REV1: variants seen among roughly 807,000 people sequenced by gnomAD.
REV1 encodes the protein translesion synthesis protein REV1.
REV1 carries 42 observed loss-of-function variants against 137.4 expected under a neutral mutation model. That is an observed-to-expected ratio of 0.31 (90% CI 0.24 to 0.40). REV1 has a LOEUF of 0.40. REV1 is among the 10% of genes least tolerant of loss of function. REV1 has a pLI of 1.00. For missense variants in REV1, 1,282 were observed against 1,490.1 expected, an observed-to-expected ratio of 0.86 and a Z score of 2.30; for synonymous variants, 524 against 519.2, an observed-to-expected ratio of 1.01 and a Z score of -0.12.
At chr2:99,406,295 TAAAAA>T (rs1246336414) in intron 16 of REV1, 25 bp downstream of exon 16, 1 of 1,579,184 alleles carries the variant, frequency 6.3e-7, no homozygotes, top group Non-Finnish European at 8.6e-7. Flanking sequence ...AAGCAGCACC[TAAAAA>T]AGAACCACAT....
chr2:99,459,030 A>C (rs187339636), intron 3 of REV1, among the ~76,000 whole-genome samples: 2 of 152,204 alleles, frequency 1.3e-5, no homozygotes, highest in Non-Finnish European at 2.9e-5. Flanking sequence ...AACACGGTGA[A>C]ACCCCGTCTC....
rs1461977282 is a variant in REV1, at chr2:99,449,541, T to C, written c.182-37A>G. 4 of 1,162,190 alleles carry C rather than the reference T, an allele frequency of 3.4e-6. No individual in the cohort carries two copies. In the South Asian group the frequency reaches 9.7e-5, roughly 28 times the overall value. The allele number at this position is 1,162,190 out of a possible 1,614,324, so 72.0% of individuals were successfully genotyped here. On this transcript the variant is annotated intron_variant, in intron 3 of 22. Coordinates refer to ENST00000258428, the MANE Select transcript of REV1 (RefSeq NM_016316.4). ...ATATTAAAATATATTAAGAGTCTTATGTGTAAGAAGTAGAACCCTAATGAA... is the reference window on the plus strand; with the variant it reads ...ATATTAAAATATATTAAGAGTCTTACGTGTAAGAAGTAGAACCCTAATGAA...
chr2:99,478,540 A>G (rs1417036197), intron 1 of REV1, among the ~76,000 whole-genome samples: 1 of 152,200 alleles, frequency 6.6e-6, no homozygotes, highest in Admixed American at 6.5e-5. Flanking sequence ...AAGTGGTATA[A>G]TCTCACAGGA....
At chr2:99,442,165 T>C (rs1439966398) in intron 5 of REV1, 152 bp downstream of exon 5, 8 of 615,820 alleles carry the variant, frequency 1.3e-5, no homozygotes, top group African/African-American at 2.0e-5. Context: ...GGCAGGAGAA[T>C]CACTTGAACC....
At chr2:99,481,706 C>CAA (rs1370452034) in intron 1 of REV1, among the ~76,000 whole-genome samples, 3 of 151,804 alleles carry the variant, frequency 2.0e-5, no homozygotes, top group African/African-American at 7.3e-5. Flanking sequence ...CACACACACA[C>CAA]ACAAAAATTT....
chr2:99,402,389 A>C (rs776661188), intron 21 of REV1, 43 bp from the exon 22 acceptor site: 1 of 1,008,264 alleles, frequency 9.9e-7, no homozygotes, highest in South Asian at 1.4e-5. Context: ...AGTCTTTTTG[A>C]AGGAGAAAGT....
At chr2:99,423,079 T>TA (rs1678894797) in intron 10 of REV1, among the ~76,000 whole-genome samples, 1 of 152,220 alleles carries the variant, frequency 6.6e-6, no homozygotes, top group Non-Finnish European at 1.5e-5. Flanking sequence ...ATAGCTATAA[T>TA]AAGTGTCTTA....
intron 4 of REV1, among the ~76,000 whole-genome samples, chr2:99,445,982 T>A (rs928436257): frequency 6.6e-5 from 10 of 152,334 alleles, no homozygotes; most frequent in African/African-American, 1.7e-4. Context: ...CATGTTAAAA[T>A]TTTTAAGTAT....
chr2:99,406,994 G>C (rs542120995), intron 15 of REV1: 7 of 149,078 alleles, frequency 4.7e-5, no homozygotes, highest in Non-Finnish European at 7.4e-5. Flanking sequence ...GGCTGGCTTA[G>C]TGACTAATCT....
At chr2:99,410,123 G>A (rs1377022086) in intron 14 of REV1, among the ~76,000 whole-genome samples, 1 of 151,910 alleles carries the variant, frequency 6.6e-6, no homozygotes, top group East Asian at 2.0e-4. Flanking sequence ...CAATCCTCCT[G>A]CCCCAGCCTC....
chr2:99,425,950 C>T (rs1347140433), intron 9 of REV1, among the ~76,000 whole-genome samples: 4 of 152,178 alleles, frequency 2.6e-5, no homozygotes, highest in South Asian at 2.1e-4. Flanking sequence ...GCAGGATAAT[C>T]GCTTGAACCT....
intron 1 of REV1, among the ~76,000 whole-genome samples, chr2:99,482,710 A>G (rs1023548937): frequency 5.3e-5 from 8 of 152,212 alleles, no homozygotes; most frequent in Non-Finnish European, 1.2e-4. Flanking sequence ...ACATACACTA[A>G]AATTGGAATG....
At chr2:99,481,517 G>A (rs923147004) in intron 1 of REV1, among the ~76,000 whole-genome samples, 4 of 152,174 alleles carry the variant, frequency 2.6e-5, no homozygotes, top group Non-Finnish European at 5.9e-5. Flanking sequence ...AGTTTTAGCT[G>A]TCATAAATTG....
rs1675258681 is a variant in REV1 at position 99,400,687 on chromosome 2, A to AAAAT, written c.*550_*553dup. The AAAAT allele has an allele frequency of 6.6e-6, 1 of 152,196 alleles. No individual in the cohort carries two copies. Among genetic ancestry groups the AAAAT allele is most frequent in the Non-Finnish European group, 1.5e-5 (1 of 68,048 alleles). 9.4% of individuals were successfully genotyped at this position (152,196 alleles called of 1,614,324 possible). On this transcript the variant is annotated 3_prime_UTR_variant, in exon 23 of 23. Coordinates refer to ENST00000258428, the MANE Select transcript of REV1 (RefSeq NM_016316.4). ...GTGGGTGTGAGGGTGTTTCTAATTC[A>AAAAT]AAATATGTAGATTTCTCCGCATGGA... is the stretch of plus-strand genomic sequence containing the variant.
chr2:99,475,274 G>C (rs1347979249), intron 1 of REV1, among the ~76,000 whole-genome samples: 1 of 152,138 alleles, frequency 6.6e-6, no homozygotes, highest in African/African-American at 2.4e-5. Context: ...CGATTGGCTA[G>C]CAACTTAGAA....
At position 99,400,672 on chromosome 2, in the gene REV1, G is replaced by A. The variant is rs1675256939; in HGVS notation, c.*569C>T. The A allele has an allele frequency of 6.6e-6, 1 of 152,170 alleles. No homozygotes were observed. The highest frequency in any genetic ancestry group is 2.1e-4 in the South Asian group (1 of 4,830). 9.4% of individuals were successfully genotyped at this position (152,170 alleles called of 1,614,324 possible). A position where few individuals can be genotyped will look rare whatever the true frequency, so the allele number is the denominator to read the frequency against. On this transcript the variant is annotated 3_prime_UTR_variant, in exon 23 of 23. Transcript: ENST00000258428. ...GAAAAAAATCTTCAAGTGGGTGTGA[G>A]GGTGTTTCTAATTCAAAATATGTAG...
chr2:99,454,578 A>ACTTTTT (rs1683320747), intron 3 of REV1, among the ~76,000 whole-genome samples: 1 of 146,772 alleles, frequency 6.8e-6, no homozygotes, highest in Non-Finnish European at 1.5e-5. Flanking sequence ...AAAAAAAAAA[A>ACTTTTT]AAAAAAAAAA....
intron 1 of REV1, among the ~76,000 whole-genome samples, chr2:99,489,568 G>A (rs1031056660): frequency 1.1e-3 from 168 of 148,780 alleles, no homozygotes; most frequent in African/African-American, 4.0e-3. Context: ...CGCCATGACG[G>A]AAGGGAAGGG....
chr2:99,489,346 C>T (rs960163768), intron 1 of REV1, among the ~76,000 whole-genome samples: 5 of 152,144 alleles, frequency 3.3e-5, no homozygotes, highest in Non-Finnish European at 5.9e-5. Context: ...GGTCGACATT[C>T]TACAAACGCT....
Sources: allele counts gnomAD v4.1 joint callset (sites outside exome capture counted in the v4.1 genomes callset), GRCh38; gene constraint gnomAD v4.1.1; transcripts MANE v1.5; gene names NCBI Gene and HGNC (gene_info 2026-07-23, HGNC 2026-07-21).